DCC: variants seen among roughly 807,000 people sequenced by gnomAD.
DCC encodes the protein DCC netrin 1 receptor, also known as netrin receptor DCC.
In DCC, 58 loss-of-function variants were observed where a neutral mutation model predicts 172.5. The ratio of observed to expected loss-of-function variants is 0.34; its 90% CI spans 0.27 to 0.42. DCC has a LOEUF of 0.42. Ranked by LOEUF, DCC falls within the 10% of genes least tolerant of loss-of-function variation. DCC has a pLI of 1.00. For synonymous variants in DCC, 709 were observed against 644.5 expected, an observed-to-expected ratio of 1.10 and a Z score of -1.52; for missense variants, 1,740 against 1,791.0, an observed-to-expected ratio of 0.97 and a Z score of 0.51.
intron 8 of DCC, among the ~76,000 whole-genome samples, chr18:53,173,644 A>G (rs938207282): frequency 2.6e-5 from 4 of 152,104 alleles, no homozygotes; most frequent in Admixed American, 2.6e-4. Flanking sequence ...CTAAATATAT[A>G]TGCACCCAAT....
chr18:52,929,204 C>G (rs141550226), intron 5 of DCC, among the ~76,000 whole-genome samples: 5 of 152,064 alleles, frequency 3.3e-5, no homozygotes, highest in African/African-American at 1.2e-4. Flanking sequence ...GTTTTACAAA[C>G]GAAGGCATTT....
At chr18:52,870,713 C>T (rs1251662149) in intron 2 of DCC, among the ~76,000 whole-genome samples, 1 of 124,174 alleles carries the variant, frequency 8.1e-6, no homozygotes, top group African/African-American at 3.0e-5. Flanking sequence ...GCAACTGACT[C>T]AGCAAAATAG....
rs149013991 is a variant in DCC at position 52,763,461 on chromosome 18, T to A, written c.412+11087T>A. Reference sequence around the variant, plus strand: ...ATCCCACAGTGCATTGGGCACTCCATGAGCCAACCTTGTGGCTATTTTTCT... The same window carrying A: ...ATCCCACAGTGCATTGGGCACTCCAAGAGCCAACCTTGTGGCTATTTTTCT... On this transcript the variant is annotated intron_variant, in intron 2 of 28. Coordinates refer to ENST00000442544, the MANE Select transcript of DCC (RefSeq NM_005215.4). 3.2e-3 allele frequency among the ~76,000 whole-genome samples: 490 copies of A among 152,352 alleles called. 2 individuals are homozygous for A. Among genetic ancestry groups the A allele is most frequent in the African/African-American group, 0.011 (466 of 41,584 alleles).
At chr18:53,328,522 T>C (rs903666259) in intron 14 of DCC, among the ~76,000 whole-genome samples, 7 of 152,162 alleles carry the variant, frequency 4.6e-5, no homozygotes, top group Non-Finnish European at 1.0e-4. Context: ...CTTTGACTGT[T>C]GTGTTGTTGT....
At chr18:53,112,201 C>T (rs549852023) in intron 7 of DCC, among the ~76,000 whole-genome samples, 1 of 151,552 alleles carries the variant, frequency 6.6e-6, no homozygotes, top group Non-Finnish European at 1.5e-5. Flanking sequence ...CATAAAAACA[C>T]CGCTAACATT....
chr18:53,238,446 G>A (rs534726092), intron 12 of DCC, among the ~76,000 whole-genome samples: 1 of 152,198 alleles, frequency 6.6e-6, no homozygotes, highest in South Asian at 2.1e-4. Context: ...ACACAGAATT[G>A]AAATATTTCC....
At chr18:52,939,783 T>G (rs1452366028) in intron 5 of DCC, among the ~76,000 whole-genome samples, 1 of 152,176 alleles carries the variant, frequency 6.6e-6, no homozygotes, top group Non-Finnish European at 1.5e-5. Flanking sequence ...GACATTGTTT[T>G]CCTTTCTCAT....
At chr18:52,926,470 C>T (rs934851255) in intron 5 of DCC, among the ~76,000 whole-genome samples, 9 of 151,630 alleles carry the variant, frequency 5.9e-5, no homozygotes, top group Non-Finnish European at 1.3e-4. Flanking sequence ...TTTAAAATGG[C>T]ACAGTTTAAT....
intron 27 of DCC, among the ~76,000 whole-genome samples, chr18:53,513,275 C>T (rs1016801866): frequency 1.3e-5 from 2 of 152,134 alleles, no homozygotes; most frequent in Admixed American, 6.5e-5. Context: ...AGATTTTTGT[C>T]ACCACCAGGC....
intron 2 of DCC, among the ~76,000 whole-genome samples, chr18:52,775,111 C>T (rs1265658444): frequency 6.6e-6 from 1 of 152,052 alleles, no homozygotes; most frequent in Non-Finnish European, 1.5e-5. Flanking sequence ...CCTTCGTCCA[C>T]GCTCACCTTC....
At chr18:52,752,753 C>T (rs147345367) in intron 2 of DCC, among the ~76,000 whole-genome samples, 135 of 152,236 alleles carry the variant, frequency 8.9e-4, no homozygotes, top group African/African-American at 3.1e-3. Context: ...TTCCTTACCA[C>T]GCCCCATCTT....
chr18:53,179,054 C>G lies in DCC; in HGVS notation c.1511C>G (p.Ala504Gly). The G allele has an allele frequency of 6.2e-7, 1 of 1,613,986 alleles. No individual in the cohort carries two copies. Among genetic ancestry groups the G allele is most frequent in the South Asian group, 1.1e-5 (1 of 91,072 alleles). The change falls in exon 9 of 29, where the codon GCT becomes GGT. Residue 504 changes from alanine to glycine, a missense_variant. Physicochemically the swap from Ala to Gly is moderately conservative, Grantham distance 60. Around this residue, in one of 2 missense-constraint regions of DCC, gnomAD observed 1,732 missense variants for 1,767.4 expected, o/e 0.98. Transcript: ENST00000442544. ...PEAMYTFRVV[A>G]YNEWGPGESS... The stretch of plus-strand genomic sequence containing the variant: ...GCCATGTACACCTTTCGAGTTGTGG[C>G]TTACAATGAATGGGGACCGGGAGAG...
chr18:53,468,745 C>T (rs2045659002), intron 25 of DCC, among the ~76,000 whole-genome samples: 1 of 152,142 alleles, frequency 6.6e-6, no homozygotes, highest in Non-Finnish European at 1.5e-5. Flanking sequence ...AATCTAGCTC[C>T]TTTAAAGCAG....
chr18:52,510,912 A>G (rs533686066), intron 1 of DCC, among the ~76,000 whole-genome samples: 1 of 152,232 alleles, frequency 6.6e-6, no homozygotes, highest in East Asian at 1.9e-4. Flanking sequence ...CTGATTTACA[A>G]ACTTACAGGT....
In DCC at chr18:53,534,280, T is replaced by A. The variant is rs200577198; in HGVS notation, c.*3627T>A. ...AATGAAAGAAAGAAAAATGGAAAAA[T>A]TGTCTAGTTTCAGGCATGTTTAAAG... On this transcript the variant is annotated 3_prime_UTR_variant, in exon 29 of 29. Coordinates refer to ENST00000442544, the MANE Select transcript of DCC (RefSeq NM_005215.4). 6.6e-6 allele frequency: 1 copy of A among 152,150 alleles called. No homozygotes were observed. The highest frequency in any genetic ancestry group is 6.5e-5 in the Admixed American group (1 of 15,274). The allele number at this position is 152,150 out of a possible 1,614,324, so 9.4% of individuals were successfully genotyped here.
At chr18:52,667,396 C>T (rs2035474752) in intron 1 of DCC, among the ~76,000 whole-genome samples, 1 of 152,198 alleles carries the variant, frequency 6.6e-6, no homozygotes, top group South Asian at 2.1e-4. Flanking sequence ...ACTTGCCTTC[C>T]AACCATGACA....
chr18:53,369,635 T>C (rs890219459), intron 15 of DCC, among the ~76,000 whole-genome samples: 2 of 151,956 alleles, frequency 1.3e-5, no homozygotes, highest in African/African-American at 2.4e-5. Context: ...TTTATTATGT[T>C]GAGATAATTT....
Position 53,530,722 on chromosome 18 carries a change from C to T in DCC, c.*69C>T, listed in dbSNP as rs1203431307. The T allele has an allele frequency of 2.4e-6, 2 of 848,026 alleles. No individual in the cohort carries two copies. The highest frequency in any genetic ancestry group is 1.7e-5 in the African/African-American group (1 of 60,336). The allele number at this position is 848,026 out of a possible 1,614,324, so 52.5% of individuals were successfully genotyped here. ...CAGCATACCAATTACCCATAAACAG[C>T]ACACCTGTGTCCAAGAACTCTAACC... On this transcript the variant is annotated 3_prime_UTR_variant, in exon 29 of 29. Coordinates refer to ENST00000442544, the MANE Select transcript of DCC (RefSeq NM_005215.4).
chr18:53,517,443 TATAATAATA>T lies in DCC; in HGVS notation c.4112-9148_4112-9140del, dbSNP rs71179517. On this transcript the variant is annotated intron_variant, in intron 27 of 28. Transcript: ENST00000442544. ...TGCACATGTACCCTAAAACTTAAAATATAATAATAATAATAATAATAATAATAATAATAA... is the reference window on the plus strand; with the variant it reads ...TGCACATGTACCCTAAAACTTAAAATATAATAATAATAATAATAATAATAA... Among the ~76,000 whole-genome samples the T allele has an allele frequency of 1.3e-3, 179 of 142,502 alleles. 2 individuals are homozygous for T. In the East Asian group the frequency reaches 0.014, roughly 11 times the overall value. 93.5% of individuals were successfully genotyped at this position (142,502 alleles called of 152,430 possible). A position where few individuals can be genotyped will look rare whatever the true frequency, so the allele number is the denominator to read the frequency against.
Sources: gnomAD v4.1 joint callset for allele counts (sites outside exome capture counted in the v4.1 genomes callset) on GRCh38, gnomAD v4.1.1 for gene constraint, gnomAD v4.1.1 regional missense constraint, MANE v1.5 for transcripts, NCBI Gene and HGNC (gene_info 2026-07-23, HGNC 2026-07-21) for gene names.